The following LATS1 variants were observed in gnomAD, a reference collection of about 807,000 sequenced individuals.
LATS1 encodes the protein serine/threonine-protein kinase LATS1.
A neutral mutation model predicts 106.6 loss-of-function variants in LATS1; 25 were observed. That is an observed-to-expected ratio of 0.23 (90% CI 0.17 to 0.33). The LOEUF is 0.33. Ranked by LOEUF, LATS1 falls within the 10% of genes least tolerant of loss-of-function variation. The pLI, the probability that LATS1 is intolerant of heterozygous loss-of-function variation, is 1.00. For synonymous variants in LATS1, 465 were observed against 455.6 expected (o/e 1.02, Z -0.26); for missense variants, 1,040 against 1,382.6 (o/e 0.75, Z 3.93).
chr6:149,660,330 C>T lies in LATS1; in HGVS notation c.*1399G>A, dbSNP rs566846648. On this transcript the variant is annotated 3_prime_UTR_variant, in exon 8 of 8. Transcript: ENST00000543571. ...ATAAGTGTTCTTTGCCCTAACTCTCCAATTCAACTGCAACAGCTCTGCCTT... is the reference window on the plus strand; with the variant it reads ...ATAAGTGTTCTTTGCCCTAACTCTCTAATTCAACTGCAACAGCTCTGCCTT... The T allele has an allele frequency of 8.2e-5, 19 of 233,074 alleles. No homozygotes were observed. The East Asian group carries it at 1.1e-3, about 14-fold the overall frequency. The allele number at this position is 233,074 out of a possible 1,614,324, so 14.4% of individuals were successfully genotyped here.
chr6:149,701,601 T>C (rs527585675), intron 2 of LATS1, among the ~76,000 whole-genome samples, 178 bp downstream of exon 2: 14 of 152,310 alleles, frequency 9.2e-5, no homozygotes, highest in Admixed American at 2.6e-4. Context: ...TAAAGAAATA[T>C]TATTTTTAAT....
intron 4 of LATS1, among the ~76,000 whole-genome samples, chr6:149,680,996 T>C (rs771399933): frequency 1.3e-5 from 2 of 152,092 alleles, no homozygotes; most frequent in South Asian, 2.1e-4. Flanking sequence ...TCAATAAATA[T>C]ACAACAGTCA....
At chr6:149,713,721 G>A (rs1282958326) in intron 1 of LATS1, among the ~76,000 whole-genome samples, 9 of 151,360 alleles carry the variant, frequency 5.9e-5, no homozygotes, top group Non-Finnish European at 1.2e-4. Context: ...GTGCAATGGC[G>A]TGATCTCAGC....
chr6:149,670,274 A>G (rs896849646), intron 7 of LATS1, among the ~76,000 whole-genome samples: 3 of 151,712 alleles, frequency 2.0e-5, no homozygotes, highest in African/African-American at 7.3e-5. Context: ...AAAACCATAC[A>G]AAGAGATAAT....
intron 2 of LATS1, among the ~76,000 whole-genome samples, chr6:149,697,559 A>T (rs1246727422): frequency 6.6e-6 from 1 of 152,208 alleles, no homozygotes; most frequent in African/African-American, 2.4e-5. Flanking sequence ...AATATGTGTA[A>T]ATGTAAAATA....
At chr6:149,684,965 G>A (rs1221404298) in intron 3 of LATS1, among the ~76,000 whole-genome samples, 2 of 152,152 alleles carry the variant, frequency 1.3e-5, no homozygotes, top group African/African-American at 4.8e-5. Flanking sequence ...ACCAGGCGTG[G>A]TGGCTCACGC....
intron 1 of LATS1, among the ~76,000 whole-genome samples, chr6:149,703,713 T>G (rs1195494255): frequency 6.6e-6 from 1 of 151,820 alleles, no homozygotes; most frequent in East Asian, 1.9e-4. Context: ...AAAAAAAAAA[T>G]TACTTGTTCT....
At chr6:149,676,482 A>G (rs1284103680) in intron 6 of LATS1, 73 bp downstream of exon 6, 2 of 1,430,586 alleles carry the variant, frequency 1.4e-6, no homozygotes, top group African/African-American at 2.9e-5. Context: ...AGCCTGAAAA[A>G]TAAGGCATAT....
At chr6:149,707,243 T>G (rs1237747440) in intron 1 of LATS1, among the ~76,000 whole-genome samples, 1 of 152,104 alleles carries the variant, frequency 6.6e-6, no homozygotes, top group Non-Finnish European at 1.5e-5. Flanking sequence ...CTCGAACTCC[T>G]GACCTCGTGA....
intron 1 of LATS1, among the ~76,000 whole-genome samples, chr6:149,707,333 A>G (rs935845597): frequency 2.0e-5 from 3 of 152,058 alleles, no homozygotes; most frequent in East Asian, 1.9e-4. Flanking sequence ...ATTCTTTTAC[A>G]TAATCATGGG....
At chr6:149,675,587 C>T (rs1430730975) in intron 7 of LATS1, 6 of 152,266 alleles carry the variant, frequency 3.9e-5, no homozygotes, top group African/African-American at 1.2e-4. Context: ...TGAGGAGTTT[C>T]GCCCTTTCAC....
chr6:149,699,199 C>T (rs572075837), intron 2 of LATS1, among the ~76,000 whole-genome samples: 220 of 152,168 alleles, frequency 1.4e-3, no homozygotes, highest in African/African-American at 5.1e-3. Context: ...ACAAGATAAA[C>T]TCTACAATAT....
chr6:149,676,786 AC>A, intron 5 of LATS1, 49 bp from the exon 6 acceptor site: 4 of 1,504,132 alleles, frequency 2.7e-6, no homozygotes, highest in Non-Finnish European at 3.6e-6. Context: ...ACAACAGTAA[AC>A]CTGAAGTCTA....
At chr6:149,691,662 G>C (rs1472250459) in intron 3 of LATS1, among the ~76,000 whole-genome samples, 1 of 151,814 alleles carries the variant, frequency 6.6e-6, no homozygotes, top group African/African-American at 2.4e-5. Context: ...CTTCCTACTA[G>C]CTATTAAATA....
chr6:149,684,486 A>ATGATAGGC lies in LATS1; in HGVS notation c.595_602dup (p.His201GlnfsTer14). 6.2e-7 allele frequency: 1 copy of ATGATAGGC among 1,614,066 alleles called. No individual in the cohort carries two copies. Among genetic ancestry groups the ATGATAGGC allele is most frequent in the Non-Finnish European group, 8.5e-7 (1 of 1,179,928 alleles). The stretch of plus-strand genomic sequence containing the variant: ...CTGTCTGTGAGTTGGGACTCTCAGA[A>ATGATAGGC]TGATAGGCCACACTTTCTCCTAGTG... On this transcript the variant is annotated frameshift_variant, in exon 4 of 8. Coordinates refer to ENST00000543571, the MANE Select transcript of LATS1 (RefSeq NM_004690.4). LOFTEE classifies it high-confidence loss of function.
At chr6:149,703,880 C>CT (rs1191080040) in intron 1 of LATS1, among the ~76,000 whole-genome samples, 1 of 152,210 alleles carries the variant, frequency 6.6e-6, no homozygotes, top group African/African-American at 2.4e-5. Flanking sequence ...AAGATGTAGG[C>CT]TGTTCCTCGC....
At chr6:149,683,044 T>C (rs1255618789) in intron 4 of LATS1, 35 bp downstream of exon 4, 25 of 1,522,176 alleles carry the variant, frequency 1.6e-5, no homozygotes, top group Non-Finnish European at 2.1e-5. Flanking sequence ...AAACAGATGA[T>C]TAAGTATAAA....
Position 149,665,424 on chromosome 6 carries a change from T to C in LATS1, c.2884-3186A>G, listed in dbSNP as rs530650833. ...AGATGGGTTGAATCTCTGTTGCTCG[T>C]TTTCTCTCTGTGTCCTTTTGCCACC... On this transcript the variant is annotated intron_variant, in intron 7 of 7. Transcript: ENST00000543571. 2.0e-5 allele frequency among the ~76,000 whole-genome samples: 3 copies of C among 152,246 alleles called. No individual in the cohort carries two copies. The East Asian group carries it at 5.8e-4, about 29-fold the overall frequency.
At chr6:149,684,740 T>C in intron 3 of LATS1, 148 bp from the exon 4 acceptor site, 1 of 592,924 alleles carries the variant, frequency 1.7e-6, no homozygotes, top group Non-Finnish European at 2.8e-6. Flanking sequence ...AAGTGATCTC[T>C]TGTACAAAAT....
Sources: gnomAD v4.1 joint callset for allele counts (sites outside exome capture counted in the v4.1 genomes callset) on GRCh38, gnomAD v4.1.1 for gene constraint, MANE v1.5 for transcripts, NCBI Gene and HGNC (gene_info 2026-07-23, HGNC 2026-07-21) for gene names.